PRP4K: variants seen among roughly 807,000 people sequenced by gnomAD.
PRP4K encodes pre-mRNA processing factor kinase PRP4K.
chr6:4,057,327 C>T, the PRP4K span: 1 of 848,532 alleles, frequency 1.2e-6, no homozygotes, highest in Non-Finnish European at 1.8e-6. Flanking sequence ...TTCTTAGGGT[C>T]TTTCCCTTTT....
chr6:4,056,734 C>G, the PRP4K span: 3 of 1,514,200 alleles, frequency 2.0e-6, no homozygotes, highest in Non-Finnish European at 2.7e-6. Context: ...TTGTTTTTTC[C>G]TGTTGCCTTG....
the PRP4K span, chr6:4,052,756 A>G: frequency 6.2e-7 from 1 of 1,601,712 alleles, no homozygotes; most frequent in Non-Finnish European, 8.5e-7. Context: ...AATATGGTAA[A>G]GATGTTGGTC....
the PRP4K span, chr6:4,062,683 T>A: frequency 3.3e-5 from 5 of 152,500 alleles, no homozygotes; most frequent in Admixed American, 3.3e-4. This position sits in a 1 kb window ranked among gnomAD's most constrained non-coding sequence, Gnocchi z 4.2. Flanking sequence ...GCCAGGAAGG[T>A]GATAGATGAT....
the PRP4K span, chr6:4,057,263 C>G: frequency 6.8e-7 from 1 of 1,461,854 alleles, no homozygotes; most frequent in Non-Finnish European, 9.3e-7. Context: ...TTGCTCACCA[C>G]TAGTGAGCTA....
At chr6:4,022,848 T>A in the PRP4K span, among the ~76,000 whole-genome samples, 1 of 152,212 alleles carries the variant, frequency 6.6e-6, no homozygotes, top group Non-Finnish European at 1.5e-5. Flanking sequence ...TGTGGTTACA[T>A]TTTCTACTAA....
At chr6:4,033,999 T>A in the PRP4K span, among the ~76,000 whole-genome samples, 1 of 131,644 alleles carries the variant, frequency 7.6e-6, no homozygotes, top group Non-Finnish European at 1.8e-5. Context: ...AACAAAAATA[T>A]TTTTTTAAAT....
chr6:4,041,546 C>T, the PRP4K span, among the ~76,000 whole-genome samples: 2 of 152,126 alleles, frequency 1.3e-5, no homozygotes, highest in Admixed American at 1.3e-4. Context: ...GAGTGAGACC[C>T]TGTCTCAAAA....
chr6:4,043,891 C>A, the PRP4K span: 1 of 1,614,138 alleles, frequency 6.2e-7, no homozygotes, highest in Non-Finnish European at 8.5e-7. Context: ...TACGAGAACA[C>A]GATCACCATC....
the PRP4K span, among the ~76,000 whole-genome samples, chr6:4,024,361 T>A: frequency 1.3e-5 from 2 of 152,116 alleles, no homozygotes. Context: ...ACATTTTAAC[T>A]TGTCAGAGAA....
chr6:4,036,513 C>T, the PRP4K span, among the ~76,000 whole-genome samples: 1 of 152,126 alleles, frequency 6.6e-6, no homozygotes, highest in African/African-American at 2.4e-5. Flanking sequence ...TGAGCCACCA[C>T]ACCTAGCTAT....
chr6:4,035,656 T>G, the PRP4K span, among the ~76,000 whole-genome samples: 1 of 152,032 alleles, frequency 6.6e-6, no homozygotes, highest in African/African-American at 2.4e-5. Context: ...CAAGGCAGGT[T>G]GTGTTTTTAG....
chr6:4,037,564 G>A, the PRP4K span: 121 of 1,612,852 alleles, frequency 7.5e-5, no homozygotes, highest in East Asian at 3.8e-4. Context: ...AGATCTCCTC[G>A]GAGAAGGTAA....
At chr6:4,048,136 T>A in the PRP4K span, among the ~76,000 whole-genome samples, 1 of 151,952 alleles carries the variant, frequency 6.6e-6, no homozygotes, top group African/African-American at 2.4e-5. Flanking sequence ...CCCAGCACTT[T>A]GGGAGGCCGA....
the PRP4K span, chr6:4,031,495 T>C: frequency 8.0e-7 from 1 of 1,254,962 alleles, no homozygotes; most frequent in South Asian, 1.7e-5. Flanking sequence ...ACTGTTATTT[T>C]CTTATGGCTC....
the PRP4K span, chr6:4,047,398 A>G: frequency 2.8e-6 from 2 of 711,898 alleles, no homozygotes; most frequent in Non-Finnish European, 4.5e-6. Context: ...CTAGTTTTGC[A>G]TCTTATAAGT....
At chr6:4,049,253 A>G in the PRP4K span, 3 of 717,994 alleles carry the variant, frequency 4.2e-6, no homozygotes, top group South Asian at 1.9e-5. Context: ...CAACAGCTGC[A>G]TGAACTCGTG....
chr6:4,029,462 G>A, the PRP4K span, among the ~76,000 whole-genome samples: 5 of 150,622 alleles, frequency 3.3e-5, no homozygotes, highest in Non-Finnish European at 7.4e-5. Flanking sequence ...TTCCACCTCA[G>A]CCTCCTGAAT....
the PRP4K span, chr6:4,031,791 A>G: frequency 5.6e-6 from 9 of 1,613,128 alleles, no homozygotes; most frequent in African/African-American, 6.7e-5. Flanking sequence ...TAAAGAGGGT[A>G]TGTCTCCAGC....
chr6:4,063,916 C>G, the PRP4K span: 31 of 152,240 alleles, frequency 2.0e-4, no homozygotes, highest in African/African-American at 6.7e-4. Context: ...AAGTGATTGT[C>G]AGACTTGAGG....
Sources: allele counts gnomAD v4.1 joint callset (sites outside exome capture counted in the v4.1 genomes callset), GRCh38; gene constraint gnomAD v4.1.1; non-coding constraint Gnocchi (gnomAD v3.1); transcripts MANE v1.5; gene names NCBI Gene and HGNC (gene_info 2026-07-23, HGNC 2026-07-21).